Variants in SLC1A2 observed in about 807,000 individuals in gnomAD.
The protein encoded by SLC1A2 is excitatory amino acid transporter 2.
A neutral mutation model predicts 48.8 loss-of-function variants in SLC1A2; 15 were observed. The observed-to-expected ratio is 0.31, with a 90% CI of 0.21 to 0.47. The LOEUF is 0.47. Among genes scored for constraint, SLC1A2 ranks in the 20% least tolerant of loss-of-function variants. The probability of loss-of-function intolerance (pLI) is 0.99; values close to 1 mark genes in which losing one functional copy is unlikely to be tolerated. For synonymous variants in SLC1A2, 279 were observed against 272.6 expected, an observed-to-expected ratio of 1.02 and a Z score of -0.23; for missense variants, 502 against 730.5, an observed-to-expected ratio of 0.69 and a Z score of 3.61.
At chr11:35,332,669 T>A (rs1427627481) in intron 1 of SLC1A2, among the ~76,000 whole-genome samples, 1 of 152,140 alleles carries the variant, frequency 6.6e-6, no homozygotes, top group Non-Finnish European at 1.5e-5. Context: ...ATGGCAGGGT[T>A]TTTTTGCCAT....
intron 1 of SLC1A2, among the ~76,000 whole-genome samples, chr11:35,325,958 C>T (rs1230689102): frequency 1.2e-5 from 1 of 86,896 alleles, no homozygotes; most frequent in Non-Finnish European, 2.1e-5. Context: ...GGGTGAAATT[C>T]TATCTCAAAA....
chr11:35,364,291 T>C (rs1317626922), intron 1 of SLC1A2, among the ~76,000 whole-genome samples: 2 of 152,120 alleles, frequency 1.3e-5, no homozygotes, highest in African/African-American at 4.8e-5. Flanking sequence ...CTGGAAAGGG[T>C]CAGTTTGGGG....
At chr11:35,340,580 G>C (rs994410782) in intron 1 of SLC1A2, among the ~76,000 whole-genome samples, 1 of 152,156 alleles carries the variant, frequency 6.6e-6, no homozygotes, top group Admixed American at 6.5e-5. Context: ...ACTCACTTTA[G>C]TCCCTGAGAG....
At chr11:35,355,889 C>CAA (rs34058137) in intron 1 of SLC1A2, among the ~76,000 whole-genome samples, 12 of 117,034 alleles carry the variant, frequency 1.0e-4, no homozygotes, top group Admixed American at 1.7e-4. Flanking sequence ...CATCTCATCT[C>CAA]AAAAAAAAAA....
intron 6 of SLC1A2, among the ~76,000 whole-genome samples, chr11:35,294,326 C>T (rs1200379968): frequency 2.6e-5 from 4 of 152,144 alleles, no homozygotes; most frequent in African/African-American, 7.2e-5. Context: ...CTTTTCCTTT[C>T]CGTGGGGTGC....
intron 1 of SLC1A2, among the ~76,000 whole-genome samples, chr11:35,414,084 G>A (rs919128743): frequency 6.6e-6 from 1 of 152,088 alleles, no homozygotes; most frequent in Non-Finnish European, 1.5e-5. Context: ...GACAATTCTT[G>A]CTCAGTGAGT....
chr11:35,354,624 A>AC (rs1853389372), intron 1 of SLC1A2, among the ~76,000 whole-genome samples: 1 of 151,902 alleles, frequency 6.6e-6, no homozygotes, highest in South Asian at 2.1e-4. Context: ...GCTGCAAATC[A>AC]CCCCCCAAAA....
chr11:35,418,860 C>A (rs1855692330), intron 1 of SLC1A2, 90 bp downstream of exon 1: 2 of 1,248,934 alleles, frequency 1.6e-6, no homozygotes, highest in Non-Finnish European at 2.3e-6. Context: ...GGCCCGCCGC[C>A]GCCGCCTCTC....
intron 1 of SLC1A2, among the ~76,000 whole-genome samples, chr11:35,327,979 G>A (rs1458620044): frequency 6.6e-6 from 1 of 152,208 alleles, no homozygotes; most frequent in Non-Finnish European, 1.5e-5. Flanking sequence ...CAAGGCACTA[G>A]GTAGCTACTT....
At chr11:35,263,230 C>T (rs1318114212) in intron 10 of SLC1A2, among the ~76,000 whole-genome samples, 1 of 152,118 alleles carries the variant, frequency 6.6e-6, no homozygotes, top group Admixed American at 6.5e-5. Context: ...CCTTGGGAGG[C>T]CGAGGCAGGT....
chr11:35,336,738 C>A (rs1852647758), intron 1 of SLC1A2, among the ~76,000 whole-genome samples: 1 of 152,192 alleles, frequency 6.6e-6, no homozygotes, highest in African/African-American at 2.4e-5. Context: ...ACTAGGCAGC[C>A]AATTCAAATA....
intron 6 of SLC1A2, among the ~76,000 whole-genome samples, chr11:35,293,319 A>AT (rs1400100934): frequency 3.9e-5 from 6 of 152,156 alleles, no homozygotes; most frequent in African/African-American, 1.4e-4. Flanking sequence ...CAACTGGGGG[A>AT]TTTTCCCAAC....
intron 9 of SLC1A2, among the ~76,000 whole-genome samples, chr11:35,268,464 G>A (rs1850170426): frequency 6.6e-6 from 1 of 152,052 alleles, no homozygotes; most frequent in South Asian, 2.1e-4. Flanking sequence ...ATCACCTGAG[G>A]TCAGGCATTT....
At chr11:35,319,681 G>T (rs1851997240) in intron 1 of SLC1A2, among the ~76,000 whole-genome samples, 1 of 152,194 alleles carries the variant, frequency 6.6e-6, no homozygotes, top group Non-Finnish European at 1.5e-5. Flanking sequence ...CACCCAACCT[G>T]GCAATGTGGT....
chr11:35,263,795 A>T (rs1950435384), intron 10 of SLC1A2, among the ~76,000 whole-genome samples: 1 of 152,198 alleles, frequency 6.6e-6, no homozygotes, highest in Non-Finnish European at 1.5e-5. Flanking sequence ...TCCAGTGCCT[A>T]ATTTATGGCT....
At chr11:35,346,364 C>G (rs926000261) in intron 1 of SLC1A2, among the ~76,000 whole-genome samples, 2 of 152,196 alleles carry the variant, frequency 1.3e-5, no homozygotes, top group Non-Finnish European at 2.9e-5. Context: ...CTCTGCAACC[C>G]TTTATGAGCC....
intron 1 of SLC1A2, among the ~76,000 whole-genome samples, chr11:35,415,305 C>T (rs911462763): frequency 1.3e-5 from 2 of 152,192 alleles, no homozygotes; most frequent in Non-Finnish European, 2.9e-5. Flanking sequence ...GAGTTTCTGC[C>T]TCACAAGTTT....
intron 1 of SLC1A2, among the ~76,000 whole-genome samples, chr11:35,374,777 A>G (rs1854171352): frequency 6.6e-6 from 1 of 150,500 alleles, no homozygotes; most frequent in East Asian, 1.9e-4. Context: ...ATTTTTTAAT[A>G]ACTATTATCT....
At chr11:35,381,423 A>G (rs993849513) in intron 1 of SLC1A2, among the ~76,000 whole-genome samples, 1 of 152,136 alleles carries the variant, frequency 6.6e-6, no homozygotes, top group African/African-American at 2.4e-5. Flanking sequence ...AGAAAACCCA[A>G]CCAAAAGATG....
Sources: allele counts gnomAD v4.1 joint callset (sites outside exome capture counted in the v4.1 genomes callset), GRCh38; gene constraint gnomAD v4.1.1; transcripts MANE v1.5; gene names NCBI Gene and HGNC (gene_info 2026-07-23, HGNC 2026-07-21).